The following CLIP2 variants were observed in gnomAD, a reference collection of about 807,000 sequenced individuals.
The protein encoded by CLIP2 is CAP-Gly domain-containing linker protein 2.
Under a neutral mutation model 111.7 loss-of-function variants are expected in CLIP2, and 41 were observed. That is an observed-to-expected ratio of 0.37 (90% confidence interval 0.29 to 0.48). The LOEUF (loss-of-function observed/expected upper bound fraction) is 0.48. Ranked by LOEUF, CLIP2 falls within the 20% of genes least tolerant of loss-of-function variation. The probability of loss-of-function intolerance (pLI) is 0.99; values close to 1 mark genes in which losing one functional copy is unlikely to be tolerated. For missense variants in CLIP2, 1,160 were observed against 1,422.1 expected (o/e 0.82, Z 2.96); for synonymous variants, 660 against 644.2 (o/e 1.02, Z -0.37).
intron 8 of CLIP2, among the ~76,000 whole-genome samples, chr7:74,371,279 G>C (rs900728196): frequency 6.6e-6 from 1 of 150,738 alleles, no homozygotes; most frequent in Non-Finnish European, 1.5e-5. Context: ...TTGAGGGGAG[G>C]AGTCCTTTGG....
chr7:74,314,991 A>G (rs1345968820), intron 1 of CLIP2, among the ~76,000 whole-genome samples: 1 of 152,222 alleles, frequency 6.6e-6, no homozygotes, highest in Non-Finnish European at 1.5e-5. Context: ...AAGGACACAA[A>G]GCTGGCCGGG....
chr7:74,359,023 AACAC>A (rs1790236102), intron 6 of CLIP2, among the ~76,000 whole-genome samples: 1 of 152,010 alleles, frequency 6.6e-6, no homozygotes, highest in Admixed American at 6.6e-5. Flanking sequence ...GGAGTGCAGT[AACAC>A]GATCTTGGCT....
At chr7:74,389,306 C>G (rs1458237680) in intron 13 of CLIP2, 47 bp downstream of exon 13, 4 of 1,492,504 alleles carry the variant, frequency 2.7e-6, no homozygotes, top group Middle Eastern at 3.9e-4. Flanking sequence ...GGCCCTGGCC[C>G]TTGCTCCTCT....
At chr7:74,349,154 C>G (rs910913969) in intron 3 of CLIP2, among the ~76,000 whole-genome samples, 2 of 151,726 alleles carry the variant, frequency 1.3e-5, no homozygotes, top group African/African-American at 4.8e-5. Flanking sequence ...AAGTACTGGT[C>G]GGGCATGGTA....
intron 6 of CLIP2, among the ~76,000 whole-genome samples, chr7:74,358,736 A>C (rs907332199): frequency 2.0e-5 from 3 of 150,520 alleles, no homozygotes; most frequent in African/African-American, 7.3e-5. Context: ...CATCCAGCTA[A>C]ATTTTGTATT....
chr7:74,355,181 C>G (rs1164043356), intron 4 of CLIP2, among the ~76,000 whole-genome samples: 1 of 152,090 alleles, frequency 6.6e-6, no homozygotes, highest in Non-Finnish European at 1.5e-5. Flanking sequence ...TTGGACCAGG[C>G]CTCGAAAGAA....
At chr7:74,332,363 T>C (rs1478924014) in intron 2 of CLIP2, among the ~76,000 whole-genome samples, 1 of 151,444 alleles carries the variant, frequency 6.6e-6, no homozygotes, top group African/African-American at 2.4e-5. Flanking sequence ...CATGAGCCAC[T>C]GTGCCCCGTG....
At chr7:74,397,919 G>A (rs976302249) in intron 14 of CLIP2, among the ~76,000 whole-genome samples, 5 of 151,418 alleles carry the variant, frequency 3.3e-5, no homozygotes, top group Admixed American at 6.6e-5. Context: ...CTCCTGCCTC[G>A]GCCTCCCAAA....
chr7:74,359,327 A>T (rs1466350862), intron 6 of CLIP2, among the ~76,000 whole-genome samples: 21 of 108,052 alleles, frequency 1.9e-4, no homozygotes, highest in South Asian at 6.0e-4. Flanking sequence ...TTTTTAATGT[A>T]TGACTGTCTA....
chr7:74,385,042 C>T (rs1324338759), intron 11 of CLIP2, among the ~76,000 whole-genome samples: 3 of 145,950 alleles, frequency 2.1e-5, no homozygotes, highest in Non-Finnish European at 4.5e-5. Context: ...TTTGGGAGGC[C>T]GAGGTGGGTG....
chr7:74,325,809 G>A (rs779864760), intron 2 of CLIP2, among the ~76,000 whole-genome samples: 5 of 152,034 alleles, frequency 3.3e-5, no homozygotes, highest in Non-Finnish European at 7.4e-5. Flanking sequence ...TTCAGCCTGG[G>A]CAACAGAACG....
intron 13 of CLIP2, among the ~76,000 whole-genome samples, chr7:74,390,743 C>CAG (rs1791271029): frequency 2.8e-4 from 2 of 7,156 alleles, no homozygotes; most frequent in Non-Finnish European, 1.2e-3. Context: ...TATTTTCTGG[C>CAG]GGGGTGGGGG....
At chr7:74,298,505 CT>C (rs1186003369) in intron 1 of CLIP2, among the ~76,000 whole-genome samples, 3 of 151,366 alleles carry the variant, frequency 2.0e-5, no homozygotes, top group Middle Eastern at 3.4e-3. Context: ...CACCTGGCCC[CT>C]GTCTCTATTT....
rs1216427663 is a variant in CLIP2, at chr7:74,389,100, C to T, written c.2564-3C>T. 6 of 1,605,616 alleles carry T rather than the reference C, an allele frequency of 3.7e-6. No individual in the cohort carries two copies. The highest frequency in any genetic ancestry group is 5.1e-6 in the Non-Finnish European group (6 of 1,176,548). ...TCCTCCCTTCCCTGCCGGCTGACCC[C>T]AGCGCTGGAGAGCAAGTGTAAGTCA... On this transcript the variant is annotated splice_polypyrimidine_tract_variant and splice_region_variant and intron_variant, in intron 12 of 16. Coordinates refer to ENST00000223398, the MANE Select transcript of CLIP2 (RefSeq NM_003388.5).
At chr7:74,363,610 C>T (rs1305288107) in intron 7 of CLIP2, among the ~76,000 whole-genome samples, 5 of 152,100 alleles carry the variant, frequency 3.3e-5, no homozygotes, top group Non-Finnish European at 7.3e-5. Context: ...GTCAGCTGGG[C>T]GCGGAGGCTC....
intron 3 of CLIP2, among the ~76,000 whole-genome samples, chr7:74,348,872 C>T (rs111302381): frequency 6.0e-5 from 9 of 149,544 alleles, no homozygotes; most frequent in Admixed American, 3.3e-4. Context: ...GTAGGTCAGG[C>T]GTGATGGCTC....
intron 1 of CLIP2, among the ~76,000 whole-genome samples, chr7:74,293,141 C>T (rs1416414672): frequency 2.6e-5 from 4 of 152,136 alleles, no homozygotes; most frequent in South Asian, 2.1e-4. Context: ...GGGTGCCCTC[C>T]GATCCCATAC....
intron 16 of CLIP2, 160 bp downstream of exon 16, chr7:74,401,727 C>T (rs1327652643): frequency 2.0e-5 from 15 of 741,866 alleles, no homozygotes; most frequent in South Asian, 1.6e-4. Context: ...AAACTTGATT[C>T]CAGATTCACC....
chr7:74,310,882 T>C lies in CLIP2; in HGVS notation c.-67-6598T>C, dbSNP rs1554728416. On this transcript the variant is annotated intron_variant, in intron 1 of 16. Transcript: ENST00000223398. The stretch of plus-strand genomic sequence containing the variant: ...ACACGCCACCATGCCCTGCTAATTG[T>C]TTTTGGATTTTTGGTAGAGATGGGG... Among the ~76,000 whole-genome samples the C allele has an allele frequency of 2.6e-5, 4 of 152,098 alleles. No individual in the cohort carries two copies. The South Asian group carries it at 8.3e-4, about 32-fold the overall frequency.
Sources: allele counts gnomAD v4.1 joint callset (sites outside exome capture counted in the v4.1 genomes callset), GRCh38; gene constraint gnomAD v4.1.1; transcripts MANE v1.5; gene names NCBI Gene and HGNC (gene_info 2026-07-23, HGNC 2026-07-21).